JAZF1: variants seen among roughly 807,000 people sequenced by gnomAD.
JAZF1 encodes juxtaposed with another zinc finger protein 1.
JAZF1 carries 8 observed loss-of-function variants against 26.4 expected under a neutral mutation model. The ratio of observed to expected loss-of-function variants is 0.30; its 90% CI spans 0.18 to 0.55. The LOEUF is 0.55. Ranked by LOEUF, JAZF1 falls within the 20% of genes least tolerant of loss-of-function variation. JAZF1 has a pLI of 0.94. For synonymous variants in JAZF1, 126 were observed against 122.3 expected, an observed-to-expected ratio of 1.03 and a Z score of -0.20; for missense variants, 199 against 322.0, an observed-to-expected ratio of 0.62 and a Z score of 2.92.
chr7:27,893,659 T>C (rs1373660971), intron 3 of JAZF1, among the ~76,000 whole-genome samples: 1 of 152,210 alleles, frequency 6.6e-6, no homozygotes, highest in Non-Finnish European at 1.5e-5. Flanking sequence ...GAATTCTATA[T>C]AGCACTTGTC....
chr7:27,984,778 T>G lies in JAZF1; in HGVS notation c.188+7131A>C, dbSNP rs1203193284. On this transcript the variant is annotated intron_variant, in intron 2 of 4. Transcript: ENST00000283928. ...CTCTCAGACCACAGTGCAATCAAAC[T>G]AGAACTCAGGATTAAGAAACTCACT... Among the ~76,000 whole-genome samples the G allele has an allele frequency of 2.0e-5, 3 of 152,238 alleles. No individual in the cohort carries two copies. The East Asian group carries it at 5.8e-4, about 29-fold the overall frequency.
At chr7:27,875,409 A>G (rs1783660894) in intron 3 of JAZF1, among the ~76,000 whole-genome samples, 1 of 152,128 alleles carries the variant, frequency 6.6e-6, no homozygotes. Context: ...TAACCTTTTA[A>G]AAATGTGAAG....
At chr7:27,936,554 GGTAAGCTCAGCACA>G (rs1784765176) in intron 2 of JAZF1, among the ~76,000 whole-genome samples, 1 of 152,204 alleles carries the variant, frequency 6.6e-6, no homozygotes, top group Non-Finnish European at 1.5e-5. Flanking sequence ...GTCTCTCTAA[GGTAAGCTCAGCACA>G]CACTCTCTGC....
rs1286073814 is a variant in JAZF1, at chr7:27,880,670, T to G, written c.385+14550A>C. Reference sequence around the variant, plus strand: ...AAAGGTTAACTAGATTTTACTAAACTTTGCTTTGTTTTGAGACAGGGTCTT... The same window carrying G: ...AAAGGTTAACTAGATTTTACTAAACGTTGCTTTGTTTTGAGACAGGGTCTT... On this transcript the variant is annotated intron_variant, in intron 3 of 4. Transcript: ENST00000283928. Among the ~76,000 whole-genome samples, 4 of 152,040 alleles carry G rather than the reference T, an allele frequency of 2.6e-5. 1 individual carries two copies. Among genetic ancestry groups the G allele is most frequent in the South Asian group, 4.2e-4 (2 of 4,814 alleles).
chr7:28,115,917 GT>G (rs1037164055), intron 1 of JAZF1, among the ~76,000 whole-genome samples: 1 of 151,764 alleles, frequency 6.6e-6, no homozygotes, highest in Non-Finnish European at 1.5e-5. Context: ...CTTTGGTGGG[GT>G]TTTTTTTCCA....
At chr7:28,126,611 A>G (rs540643464) in intron 1 of JAZF1, among the ~76,000 whole-genome samples, 48 of 152,228 alleles carry the variant, frequency 3.2e-4, no homozygotes, top group Non-Finnish European at 6.0e-4. Flanking sequence ...CAGGAAGGGG[A>G]GCGGTGATGA....
chr7:28,108,499 C>A (rs1381357221), intron 1 of JAZF1, among the ~76,000 whole-genome samples: 1 of 152,192 alleles, frequency 6.6e-6, no homozygotes, highest in African/African-American at 2.4e-5. Flanking sequence ...CTCTAACATT[C>A]ACTTGCTCAG....
intron 2 of JAZF1, among the ~76,000 whole-genome samples, chr7:27,967,236 T>G (rs905207580): frequency 5.3e-5 from 8 of 152,124 alleles, no homozygotes; most frequent in Non-Finnish European, 1.2e-4. Context: ...GGCAGACCCA[T>G]GATGCACCTG....
At chr7:28,088,029 C>T (rs1336343619) in intron 1 of JAZF1, among the ~76,000 whole-genome samples, 1 of 152,122 alleles carries the variant, frequency 6.6e-6, no homozygotes, top group Non-Finnish European at 1.5e-5. Context: ...TGTCTCCCTG[C>T]CAGCTTTGAA....
chr7:28,144,878 C>T (rs1270357756), intron 1 of JAZF1, among the ~76,000 whole-genome samples: 1 of 152,286 alleles, frequency 6.6e-6, no homozygotes, highest in East Asian at 1.9e-4. Flanking sequence ...AGTATTATTA[C>T]TCATATTCCA....
In JAZF1 at chr7:28,174,813, G is replaced by GGT. The variant is rs550306683; in HGVS notation, c.115+5648_115+5649dup. ...TCGGGTTCCCTGATCCTGCCTATGGGGTGTGTGGGTGTGTGTGTGTGTGTG... is the reference window on the plus strand; with the variant it reads ...TCGGGTTCCCTGATCCTGCCTATGGGGTGTGTGTGGGTGTGTGTGTGTGTGTG... On this transcript the variant is annotated intron_variant, in intron 1 of 4. Coordinates refer to ENST00000283928, the MANE Select transcript of JAZF1 (RefSeq NM_175061.4). Among the ~76,000 whole-genome samples, 2 of 50,676 alleles carry GGT rather than the reference G, an allele frequency of 3.9e-5. 1 individual carries two copies. The highest frequency in any genetic ancestry group is 1.0e-4 in the Non-Finnish European group (2 of 19,558). The allele number at this position is 50,676 out of a possible 152,430, so 33.2% of individuals were successfully genotyped here.
chr7:27,917,126 C>T (rs941212254), intron 2 of JAZF1, among the ~76,000 whole-genome samples: 1 of 152,216 alleles, frequency 6.6e-6, no homozygotes, highest in Admixed American at 6.5e-5. Flanking sequence ...ACTATGCATT[C>T]ACCCATGTAT....
chr7:28,091,538 C>A (rs952978793), intron 1 of JAZF1, among the ~76,000 whole-genome samples: 4 of 150,720 alleles, frequency 2.7e-5, no homozygotes, highest in Non-Finnish European at 4.4e-5. Flanking sequence ...CTCTTAAAAT[C>A]AACTTAATAC....
chr7:28,104,904 G>A (rs141194512), intron 1 of JAZF1, among the ~76,000 whole-genome samples: 8 of 152,194 alleles, frequency 5.3e-5, no homozygotes, highest in African/African-American at 1.9e-4. Context: ...TTAACCTAAG[G>A]CAGCTCAGGG....
At position 28,169,054 on chromosome 7, in the gene JAZF1, T is replaced by C. The variant is rs942291253; in HGVS notation, c.115+11409A>G. ...GTGACTTATAAATCAATAAGGCTGA[T>C]TTTCCACAAGCCACAGATGAGAATC... On this transcript the variant is annotated intron_variant, in intron 1 of 4. Transcript: ENST00000283928. 6.4e-4 allele frequency among the ~76,000 whole-genome samples: 98 copies of C among 152,234 alleles called. 1 individual carries two copies. The highest frequency in any genetic ancestry group is 1.3e-4 in the Non-Finnish European group (9 of 68,044).
At chr7:27,841,985 G>A (rs914801737) in intron 3 of JAZF1, 1 of 152,082 alleles carries the variant, frequency 6.6e-6, no homozygotes, top group Non-Finnish European at 1.5e-5. Flanking sequence ...ATTGCACCAG[G>A]GGCCTGCCTG....
At chr7:28,127,221 C>G (rs1782711276) in intron 1 of JAZF1, among the ~76,000 whole-genome samples, 1 of 152,222 alleles carries the variant, frequency 6.6e-6, no homozygotes, top group African/African-American at 2.4e-5. Context: ...GCATCTCACT[C>G]TAGCCTTAGA....
intron 4 of JAZF1, among the ~76,000 whole-genome samples, chr7:27,837,166 C>G (rs1412616920): frequency 6.6e-6 from 1 of 151,556 alleles, no homozygotes; most frequent in Non-Finnish European, 1.5e-5. Context: ...TTTCTTAAAA[C>G]AAAACAAAAC....
At chr7:27,987,685 G>A (rs754587277) in intron 2 of JAZF1, among the ~76,000 whole-genome samples, 4 of 152,272 alleles carry the variant, frequency 2.6e-5, no homozygotes, top group Admixed American at 2.6e-4. Flanking sequence ...ACCCCATCTG[G>A]GAGGTGTACC....
Sources: allele counts gnomAD v4.1 joint callset (sites outside exome capture counted in the v4.1 genomes callset), GRCh38; gene constraint gnomAD v4.1.1; transcripts MANE v1.5; gene names NCBI Gene and HGNC (gene_info 2026-07-23, HGNC 2026-07-21).